TTI1: variants seen among roughly 807,000 people sequenced by gnomAD.
TTI1 encodes the protein TELO2-interacting protein 1 homolog.
In TTI1, 52 loss-of-function variants were observed where a neutral mutation model predicts 85.4. The observed-to-expected ratio is 0.61, with a 90% CI of 0.49 to 0.77. The LOEUF (loss-of-function observed/expected upper bound fraction) is 0.77. Among genes scored for constraint, TTI1 ranks in the 30% least tolerant of loss-of-function variants. The probability of loss-of-function intolerance (pLI) is 0.00; values close to 1 mark genes in which losing one functional copy is unlikely to be tolerated. For synonymous variants in TTI1, 512 were observed against 503.9 expected (o/e 1.02, Z -0.22); for missense variants, 1,173 against 1,296.0 (o/e 0.91, Z 1.46).
intron 5 of TTI1, among the ~76,000 whole-genome samples, chr20:37,998,273 A>T (rs762773981): frequency 7.9e-5 from 12 of 152,112 alleles, no homozygotes; most frequent in Non-Finnish European, 1.6e-4. Flanking sequence ...ACACACACGT[A>T]TCATTTTGTG....
At chr20:37,992,474 G>A (rs924972819) in intron 7 of TTI1, among the ~76,000 whole-genome samples, 1 of 152,002 alleles carries the variant, frequency 6.6e-6, no homozygotes, top group African/African-American at 2.4e-5. Flanking sequence ...ACAGGGTTTC[G>A]CTATGTTGCC....
intron 1 of TTI1, among the ~76,000 whole-genome samples, chr20:38,031,967 T>C (rs2073914347): frequency 6.6e-6 from 1 of 152,206 alleles, no homozygotes; most frequent in South Asian, 2.1e-4. Flanking sequence ...GACAGTGTTA[T>C]TAATATGGAA....
chr20:37,994,347 C>T (rs1555792196), intron 7 of TTI1, among the ~76,000 whole-genome samples: 1 of 152,164 alleles, frequency 6.6e-6, no homozygotes, highest in Non-Finnish European at 1.5e-5. Context: ...GTTGGCCAGG[C>T]TGGTCTTGAA....
At chr20:37,997,629 T>C (rs971898664) in intron 5 of TTI1, among the ~76,000 whole-genome samples, 5 of 152,206 alleles carry the variant, frequency 3.3e-5, no homozygotes, top group African/African-American at 1.2e-4. Flanking sequence ...GTATACAGGA[T>C]AATAGGAATT....
chr20:38,023,596 G>T (rs187956656), intron 1 of TTI1, among the ~76,000 whole-genome samples: 2 of 152,282 alleles, frequency 1.3e-5, no homozygotes, highest in Non-Finnish European at 2.9e-5. Flanking sequence ...GGGTTAAAAT[G>T]ATGAGTTTAT....
At chr20:38,009,331 C>T (rs946467341) in intron 2 of TTI1, among the ~76,000 whole-genome samples, 12 of 152,036 alleles carry the variant, frequency 7.9e-5, no homozygotes, top group African/African-American at 2.9e-4. Context: ...CACAGGCTTC[C>T]AAGTAGCTGC....
At chr20:37,993,436 C>T (rs562060169) in intron 7 of TTI1, among the ~76,000 whole-genome samples, 335 of 152,282 alleles carry the variant, frequency 2.2e-3, no homozygotes, top group Non-Finnish European at 3.8e-3. Flanking sequence ...CTGGTTTGGT[C>T]ATTCTTTGGA....
intron 1 of TTI1, among the ~76,000 whole-genome samples, chr20:38,023,671 T>A (rs1568631016): frequency 6.6e-6 from 1 of 152,272 alleles, no homozygotes; most frequent in Non-Finnish European, 1.5e-5. Context: ...CATCTGCTGC[T>A]GTCTGCCAAG....
chr20:38,024,567 C>A (rs2073812185), intron 1 of TTI1, among the ~76,000 whole-genome samples: 1 of 152,164 alleles, frequency 6.6e-6, no homozygotes. Flanking sequence ...CAACAAAAAC[C>A]TGCTCTCTCT....
At chr20:38,003,310 C>A (rs535315728) in intron 3 of TTI1, among the ~76,000 whole-genome samples, 1 of 152,046 alleles carries the variant, frequency 6.6e-6, no homozygotes, top group Non-Finnish European at 1.5e-5. Context: ...ATAATATTGT[C>A]TTAAAAAGAC....
chr20:38,018,779 T>C (rs2073720142), intron 1 of TTI1, among the ~76,000 whole-genome samples: 1 of 151,754 alleles, frequency 6.6e-6, no homozygotes, highest in South Asian at 2.1e-4. Context: ...TTCCCAACTT[T>C]GATTTTTTTT....
intron 7 of TTI1, among the ~76,000 whole-genome samples, chr20:37,990,746 C>T (rs1402764461): frequency 6.6e-6 from 1 of 152,180 alleles, no homozygotes; most frequent in East Asian, 1.9e-4. Context: ...CCAAAACCCA[C>T]TTTGTGCAGG....
At chr20:38,006,153 G>C in intron 3 of TTI1, 44 bp downstream of exon 3, 1 of 1,604,240 alleles carries the variant, frequency 6.2e-7, no homozygotes, top group Non-Finnish European at 8.5e-7. Flanking sequence ...ACAATAATCT[G>C]TTTCAGAAAG....
In TTI1 at chr20:38,011,658, T is replaced by A. The variant is rs970631305; in HGVS notation, c.2159A>T (p.Glu720Val). Reference sequence around the variant, plus strand: ...AGCATCTGAGTTCCGCAGCATGACTTCCAGGACCTTTGGGGTATGAGGATG... The same window carrying A: ...AGCATCTGAGTTCCGCAGCATGACTACCAGGACCTTTGGGGTATGAGGATG... ...ALHPHTPKVLEVMLRNSDANL... is the reference protein window; with the variant it reads ...ALHPHTPKVLVVMLRNSDANL... The change falls in exon 2 of 8, where the codon GAA becomes GTA. Residue 720 changes from glutamate to valine, a missense_variant. Transcript: ENST00000373447. The A allele has an allele frequency of 2.5e-6, 4 of 1,614,202 alleles. No individual in the cohort carries two copies. Among genetic ancestry groups the A allele is most frequent in the East Asian group, 2.2e-5 (1 of 44,888 alleles).
intron 1 of TTI1, among the ~76,000 whole-genome samples, chr20:38,020,319 A>ATATATATATATATATATATATATATAT (rs1555795761): frequency 4.5e-5 from 2 of 44,162 alleles, no homozygotes; most frequent in African/African-American, 2.5e-4. Flanking sequence ...TGAAAAAAAA[A>ATATATATATATATATATATATATATAT]AAAAATATAT....
At chr20:37,995,849 G>A (rs1292810673) in intron 7 of TTI1, among the ~76,000 whole-genome samples, 3 of 152,120 alleles carry the variant, frequency 2.0e-5, no homozygotes, top group East Asian at 1.9e-4. Context: ...AAGGTTCTTC[G>A]GGTCACAGAT....
Position 38,012,546 on chromosome 20 carries a change from TG to T in TTI1, c.1270del (p.His424IlefsTer13), listed in dbSNP as rs778929764. On this transcript the variant is annotated frameshift_variant, in exon 2 of 8. Coordinates refer to ENST00000373447, the MANE Select transcript of TTI1 (RefSeq NM_001303457.2). LOFTEE classifies it high-confidence loss of function. ...KINFVLNSVA[H>X]LQRLSKALIQ... ...GAGTGCTTTGGAAAGCCGCTGGAGATGGGCCACAGAGTTGAGGACAAAGTTT... is the reference window on the plus strand; with the variant it reads ...GAGTGCTTTGGAAAGCCGCTGGAGATGGCCACAGAGTTGAGGACAAAGTTT... 6.2e-7 allele frequency: 1 copy of T among 1,614,174 alleles called. No individual in the cohort carries two copies. The highest frequency in any genetic ancestry group is 8.5e-7 in the Non-Finnish European group (1 of 1,180,044).
rs776663469 is a variant in TTI1 at position 38,013,090 on chromosome 20, C to T, written c.727G>A (p.Val243Met). The stretch of plus-strand genomic sequence containing the variant: ...TGTTCATCAGCCATAATGAAGCTCA[C>T]TGTCTTGTAAAAGATCTTTAGGGAA... The part of the protein sequence containing the change: ...VSSLKIFYKT[V>M]SFIMADEQLK... The change falls in exon 2 of 8, where the codon GTG (valine) becomes ATG (methionine). Residue 243 changes from valine to methionine, a missense_variant. Transcript: ENST00000373447. 30 of 1,614,082 alleles carry T rather than the reference C, an allele frequency of 1.9e-5. No homozygotes were observed. The highest frequency in any genetic ancestry group is 1.8e-5 in the Non-Finnish European group (21 of 1,180,048).
In TTI1 at chr20:38,013,861, G is replaced by A. The variant is rs769591914; in HGVS notation, c.-41-4C>T. On this transcript the variant is annotated splice_region_variant and splice_polypyrimidine_tract_variant and intron_variant, in intron 1 of 7. Transcript: ENST00000373447. ...CATTGAGGAAACATCCTGCAGGCTG[G>A]AGGAAGGAAACTGTTCAGTAAAAAT... The A allele has an allele frequency of 1.3e-6, 2 of 1,566,166 alleles. No individual in the cohort carries two copies. Among genetic ancestry groups the A allele is most frequent in the Non-Finnish European group, 1.7e-6 (2 of 1,161,790 alleles).
Sources: gnomAD v4.1 joint callset for allele counts (sites outside exome capture counted in the v4.1 genomes callset) on GRCh38, gnomAD v4.1.1 for gene constraint, MANE v1.5 for transcripts, NCBI Gene and HGNC (gene_info 2026-07-23, HGNC 2026-07-21) for gene names.